PRR16: variants seen among roughly 807,000 people sequenced by gnomAD.
PRR16 encodes protein Largen.
A neutral mutation model predicts 18.2 loss-of-function variants in PRR16; 6 were observed. The observed-to-expected ratio is 0.33, with a 90% CI of 0.18 to 0.65. The LOEUF is 0.65. Ranked by LOEUF, PRR16 falls within the 30% of genes least tolerant of loss-of-function variation. The pLI is 0.74. For synonymous variants in PRR16, 151 were observed against 147.8 expected (o/e 1.02, Z -0.16); for missense variants, 412 against 376.6 (o/e 1.09, Z -0.78).
At chr5:120,572,275 A>C (rs1369996824) in intron 1 of PRR16, among the ~76,000 whole-genome samples, 1 of 152,184 alleles carries the variant, frequency 6.6e-6, no homozygotes, top group Admixed American at 6.5e-5. Context: ...ATTTGTGGCC[A>C]TATGTAACTG....
At chr5:120,788,969 A>G in the PRR16 span, among the ~76,000 whole-genome samples, 2 of 152,106 alleles carry the variant, frequency 1.3e-5, no homozygotes, top group Non-Finnish European at 2.9e-5. Flanking sequence ...ATTTTGTCAC[A>G]GAATGACTAA....
chr5:120,465,941 C>T (rs1367434489), intron 1 of PRR16, among the ~76,000 whole-genome samples: 1 of 152,136 alleles, frequency 6.6e-6, no homozygotes, highest in Non-Finnish European at 1.5e-5. Context: ...TCTTCCTCCC[C>T]TTCCCCCGTT....
chr5:120,595,552 G>C (rs1269957461), intron 1 of PRR16, among the ~76,000 whole-genome samples: 2 of 151,884 alleles, frequency 1.3e-5, no homozygotes, highest in Admixed American at 1.3e-4. Context: ...ATTTATGAGG[G>C]AGAAGATTAG....
chr5:120,499,149 G>A (rs569081532), intron 1 of PRR16, among the ~76,000 whole-genome samples: 1 of 146,410 alleles, frequency 6.8e-6, no homozygotes, highest in South Asian at 2.2e-4. Context: ...CGCTCTTGTT[G>A]CCCAGGCTGG....
At chr5:120,625,844 G>A (rs559184199) in intron 1 of PRR16, among the ~76,000 whole-genome samples, 46 of 152,088 alleles carry the variant, frequency 3.0e-4, no homozygotes, top group Admixed American at 1.4e-3. Context: ...AGTTAACATC[G>A]AATGAGCATC....
intron 1 of PRR16, among the ~76,000 whole-genome samples, chr5:120,552,246 T>C (rs2112701430): frequency 1.3e-5 from 2 of 152,008 alleles, no homozygotes; most frequent in Middle Eastern, 6.8e-3. Context: ...TTGTTGTCAT[T>C]GGGAGGTATT....
At chr5:120,742,046 T>C in the PRR16 span, among the ~76,000 whole-genome samples, 1 of 152,160 alleles carries the variant, frequency 6.6e-6, no homozygotes, top group African/African-American at 2.4e-5. Context: ...CTCCTCTTGT[T>C]AGCATTTGTT....
chr5:120,467,580 T>C (rs1749143542), intron 1 of PRR16, among the ~76,000 whole-genome samples: 2 of 152,274 alleles, frequency 1.3e-5, no homozygotes, highest in South Asian at 4.1e-4. Context: ...GGTAGTAGGA[T>C]AGAATCAAAC....
chr5:120,685,842 T>A, intron 1 of PRR16, 112 bp from the exon 2 acceptor site: 2 of 1,088,364 alleles, frequency 1.8e-6, no homozygotes, highest in Non-Finnish European at 2.6e-6. Flanking sequence ...AATGTTCAGT[T>A]CAATATCAGT....
At chr5:120,476,550 G>T (rs1274830246) in intron 1 of PRR16, among the ~76,000 whole-genome samples, 1 of 152,094 alleles carries the variant, frequency 6.6e-6, no homozygotes, top group Non-Finnish European at 1.5e-5. Context: ...TCAGGAAGTT[G>T]AACTTGAAAA....
chr5:120,691,133 T>C (rs533580837), downstream of PRR16, among the ~76,000 whole-genome samples: 1 of 152,288 alleles, frequency 6.6e-6, no homozygotes, highest in East Asian at 1.9e-4. Context: ...TCAGTTTCAA[T>C]ATTCTGCCAA....
chr5:120,502,494 T>A (rs1311760664), intron 1 of PRR16, among the ~76,000 whole-genome samples: 1 of 151,954 alleles, frequency 6.6e-6, no homozygotes, highest in Non-Finnish European at 1.5e-5. Context: ...CTTTTATATC[T>A]TCTATGTGTT....
At chr5:120,489,505 G>T (rs1316693006) in intron 1 of PRR16, among the ~76,000 whole-genome samples, 1 of 151,974 alleles carries the variant, frequency 6.6e-6, no homozygotes, top group African/African-American at 2.4e-5. Flanking sequence ...CATTTGCTTG[G>T]TAGACCTTCC....
chr5:120,491,411 C>T (rs76663571), intron 1 of PRR16, among the ~76,000 whole-genome samples: 1 of 149,336 alleles, frequency 6.7e-6, no homozygotes, highest in African/African-American at 2.5e-5. Flanking sequence ...GATCTAAAGG[C>T]ATATACCCTT....
Position 120,676,324 on chromosome 5 carries a change from A to G in PRR16, c.160-9630A>G, listed in dbSNP as rs10463475. 4.5e-3 allele frequency among the ~76,000 whole-genome samples: 683 copies of G among 152,222 alleles called. 30 individuals carry two copies. The East Asian group carries it at 0.11, about 25-fold the overall frequency. On this transcript the variant is annotated intron_variant, in intron 1 of 1. Transcript: ENST00000407149. ...CTAAAACATCTCCTTAAAAAAGAGT[A>G]GTTATGACTTCCCCACCCTATTTCA...
At chr5:120,574,387 T>A (rs187952783) in intron 1 of PRR16, among the ~76,000 whole-genome samples, 71 of 152,208 alleles carry the variant, frequency 4.7e-4, no homozygotes, top group African/African-American at 1.6e-3. Flanking sequence ...GTGGATTACT[T>A]GAGACCAGGA....
At chr5:120,662,156 T>A (rs1172622880) in intron 1 of PRR16, among the ~76,000 whole-genome samples, 1 of 152,146 alleles carries the variant, frequency 6.6e-6, no homozygotes, top group Non-Finnish European at 1.5e-5. Context: ...TCAGATCTTT[T>A]ATTAAGGTAT....
At chr5:120,739,962 C>T in the PRR16 span, among the ~76,000 whole-genome samples, 1,115 of 152,146 alleles carry the variant, frequency 7.3e-3, 12 homozygotes, top group Non-Finnish European at 0.011. Context: ...CAGATTTGAT[C>T]CACTAAAATG....
chr5:120,495,744 A>T (rs964832948), intron 1 of PRR16, among the ~76,000 whole-genome samples: 1 of 152,014 alleles, frequency 6.6e-6, no homozygotes. Context: ...TATGTAGACA[A>T]TCGTACCCTT....
Sources: gnomAD v4.1 joint callset for allele counts (sites outside exome capture counted in the v4.1 genomes callset) on GRCh38, gnomAD v4.1.1 for gene constraint, MANE v1.5 for transcripts, NCBI Gene and HGNC (gene_info 2026-07-23, HGNC 2026-07-21) for gene names.